PARP4: variants seen among roughly 807,000 people sequenced by gnomAD.
PARP4 encodes the protein poly(ADP-ribose) polymerase family member 4, also known as protein mono-ADP-ribosyltransferase PARP4.
PARP4 carries 120 observed loss-of-function variants against 187.7 expected under a neutral mutation model. That is an observed-to-expected ratio of 0.64 (90% CI 0.55 to 0.74). The LOEUF (loss-of-function observed/expected upper bound fraction) is 0.74, where lower values mean the gene tolerates loss of function less well. Among genes scored for constraint, PARP4 ranks in the 30% least tolerant of loss-of-function variants. The pLI is 0.00. For missense variants in PARP4, 1,836 were observed against 2,070.5 expected (o/e 0.89, Z 2.20); for synonymous variants, 654 against 740.9 (o/e 0.88, Z 1.90).
chr13:24,435,477 G>C lies in PARP4; in HGVS notation c.3667-3C>G. 1 of 1,566,110 alleles carries C rather than the reference G, an allele frequency of 6.4e-7. No homozygotes were observed. The highest frequency in any genetic ancestry group is 8.6e-7 in the Non-Finnish European group (1 of 1,164,960). On this transcript the variant is annotated splice_polypyrimidine_tract_variant and splice_region_variant and intron_variant, in intron 30 of 33. Transcript: ENST00000381989. ...CACTCAGAGGATGCTAAAAGAGACT[G>C]CCCAGAAGACAGAATTATTAACGTA...
At chr13:24,444,872 TC>T (rs1339349201) in intron 27 of PARP4, among the ~76,000 whole-genome samples, 1 of 152,168 alleles carries the variant, frequency 6.6e-6, no homozygotes, top group Non-Finnish European at 1.5e-5. Flanking sequence ...ATCTGCCTTA[TC>T]CAGATTTAGG....
intron 31 of PARP4, among the ~76,000 whole-genome samples, chr13:24,432,962 C>T (rs1368628961): frequency 2.6e-5 from 4 of 152,104 alleles, no homozygotes; most frequent in East Asian, 1.9e-4. Context: ...GAAAAATGAC[C>T]GCAGTGATAA....
chr13:24,433,290 CAATA>C (rs1870443138), intron 31 of PARP4, among the ~76,000 whole-genome samples: 1 of 152,180 alleles, frequency 6.6e-6, no homozygotes, highest in East Asian at 1.9e-4. Context: ...GTTGGATTAT[CAATA>C]AATACCGTGG....
intron 4 of PARP4, 53 bp from the exon 5 acceptor site, chr13:24,499,429 A>G (rs1273423861): frequency 3.5e-6 from 5 of 1,447,780 alleles, no homozygotes; most frequent in African/African-American, 1.5e-5. Flanking sequence ...ATTTTAGGCT[A>G]AACAGAATTT....
intron 1 of PARP4, among the ~76,000 whole-genome samples, chr13:24,505,623 G>C (rs1365151317): frequency 3.3e-5 from 5 of 152,182 alleles, no homozygotes; most frequent in Non-Finnish European, 5.9e-5. Flanking sequence ...GCTAACGCTG[G>C]GTTCAAGCAA....
intron 21 of PARP4, 61 bp downstream of exon 21, chr13:24,456,280 C>A: frequency 7.4e-7 from 1 of 1,358,884 alleles, no homozygotes; most frequent in Non-Finnish European, 1.0e-6. Context: ...CAAGTTTAAC[C>A]AGCTTATTCT....
chr13:24,458,167 T>C (rs997144245), intron 20 of PARP4, among the ~76,000 whole-genome samples: 1 of 150,688 alleles, frequency 6.6e-6, no homozygotes, highest in Non-Finnish European at 1.5e-5. Context: ...TGGAGTGCAG[T>C]GGCGCAATCT....
At chr13:24,503,807 C>T (rs1279177704) in intron 1 of PARP4, 30 bp from the exon 2 acceptor site, 2 of 1,596,798 alleles carry the variant, frequency 1.3e-6, no homozygotes, top group East Asian at 2.2e-5. Flanking sequence ...TAAGGACCCT[C>T]TCTTAAGTCA....
chr13:24,505,241 A>G (rs1470769901), intron 1 of PARP4, among the ~76,000 whole-genome samples: 3 of 152,160 alleles, frequency 2.0e-5, no homozygotes, highest in East Asian at 3.9e-4. Context: ...CAAAACCTAC[A>G]GAAGTAGGGG....
In PARP4 at chr13:24,499,235, C is replaced by T; in HGVS notation, c.477+66G>A. On this transcript the variant is annotated intron_variant, in intron 5 of 33. Coordinates refer to ENST00000381989, the MANE Select transcript of PARP4 (RefSeq NM_006437.4). ...TGAGAAAATGACCGAATAGGAAAAA[C>T]ACCCAGAAGACATTCAAACAGGTGT... is the stretch of plus-strand genomic sequence containing the variant. 2.8e-6 allele frequency: 4 copies of T among 1,448,818 alleles called. No individual in the cohort carries two copies. In the East Asian group the frequency reaches 7.6e-5, roughly 28 times the overall value. 89.7% of individuals were successfully genotyped at this position (1,448,818 alleles called of 1,614,324 possible). A position where few individuals can be genotyped will look rare whatever the true frequency, so the allele number is the denominator to read the frequency against.
At chr13:24,440,594 A>G (rs1038179688) in intron 30 of PARP4, among the ~76,000 whole-genome samples, 1 of 151,970 alleles carries the variant, frequency 6.6e-6, no homozygotes, top group African/African-American at 2.4e-5. Context: ...TGGTCTTAGA[A>G]CTCTTCACAA....
intron 30 of PARP4, among the ~76,000 whole-genome samples, chr13:24,438,172 G>A (rs527394200): frequency 4.6e-5 from 7 of 152,278 alleles, no homozygotes; most frequent in African/African-American, 1.7e-4. Flanking sequence ...CTAAGGTGTG[G>A]TCCCCAACCT....
At chr13:24,460,169 T>C in intron 17 of PARP4, 33 bp from the exon 18 acceptor site, 1 of 1,590,068 alleles carries the variant, frequency 6.3e-7, no homozygotes, top group Non-Finnish European at 8.6e-7. Context: ...AGCTTCCAAC[T>C]TGAAAGCATA....
intron 10 of PARP4, among the ~76,000 whole-genome samples, chr13:24,488,260 T>TTA (rs1566015284): frequency 6.6e-6 from 1 of 151,566 alleles, no homozygotes; most frequent in Non-Finnish European, 1.5e-5. Flanking sequence ...GTCACCGGAC[T>TTA]CTTAGTACAG....
At position 24,434,760 on chromosome 13, in the gene PARP4, G is replaced by A; in HGVS notation, c.4381C>T (p.Pro1461Ser). 1 of 1,613,046 alleles carries A rather than the reference G, an allele frequency of 6.2e-7. No homozygotes were observed. Among genetic ancestry groups the A allele is most frequent in the Non-Finnish European group, 8.5e-7 (1 of 1,179,588 alleles). The part of the protein sequence containing the change: ...FGSYHPSASS[P>S]FHFQPSAASL... ...GCTGCGGAAGGTTGAAAATGAAAAG[G>A]AGAGGAAGCAGAGGGATGATAAGAC... The change falls in exon 31 of 34, where the codon CCT (proline) becomes TCT (serine). Residue 1461 changes from proline to serine, a missense_variant. By Grantham distance (74) the Pro-to-Ser change is moderately conservative (BLOSUM62 -1). This residue lies in a region of PARP4 where 450 missense variants were observed against 439.2 expected (regional missense o/e 1.02). Transcript: ENST00000381989.
chr13:24,434,838 G>A lies in PARP4; in HGVS notation c.4303C>T (p.Pro1435Ser). The change falls in exon 31 of 34, where the codon CCC becomes TCC. Residue 1435 changes from proline to serine, a missense_variant. Pro to Ser is a moderately conservative substitution (Grantham distance 74). Coordinates refer to ENST00000381989, the MANE Select transcript of PARP4 (RefSeq NM_006437.4). ...GTAGGAAGAGAGAAATGAAGCTGGGGAGAATCCAGCTCAGGGAAGGTGCCA... is the reference window on the plus strand; with the variant it reads ...GTAGGAAGAGAGAAATGAAGCTGGGAAGAATCCAGCTCAGGGAAGGTGCCA... The part of the protein sequence containing the change: ...SAGTFPELDS[P>S]QLHFSLPTDP... 6.2e-7 allele frequency: 1 copy of A among 1,613,762 alleles called. No homozygotes were observed. The highest frequency in any genetic ancestry group is 8.5e-7 in the Non-Finnish European group (1 of 1,179,834).
At chr13:24,486,951 G>A (rs1394301231) in intron 10 of PARP4, among the ~76,000 whole-genome samples, 13 of 151,776 alleles carry the variant, frequency 8.6e-5, no homozygotes, top group Middle Eastern at 3.5e-3. Flanking sequence ...GACAGAACGA[G>A]ACTCTGTCTC....
At chr13:24,472,339 A>G (rs1171504804) in intron 15 of PARP4, among the ~76,000 whole-genome samples, 2 of 152,174 alleles carry the variant, frequency 1.3e-5, no homozygotes, top group Non-Finnish European at 2.9e-5. Flanking sequence ...TTCAAAGTCT[A>G]TGACGTTGCT....
At chr13:24,426,708 T>C (rs1317393012) in intron 32 of PARP4, 110 bp from the exon 33 acceptor site, 1 of 940,826 alleles carries the variant, frequency 1.1e-6, no homozygotes, top group Non-Finnish European at 1.6e-6. Flanking sequence ...GCTAACACAA[T>C]GAAACTCCAT....
Sources: gnomAD v4.1 joint callset for allele counts (sites outside exome capture counted in the v4.1 genomes callset) on GRCh38, gnomAD v4.1.1 for gene constraint, gnomAD v4.1.1 regional missense constraint, MANE v1.5 for transcripts, NCBI Gene and HGNC (gene_info 2026-07-23, HGNC 2026-07-21) for gene names.